SOS1: variants seen among roughly 807,000 people sequenced by gnomAD.
SOS1 encodes SOS Ras/Rac guanine nucleotide exchange factor 1, also known as son of sevenless homolog 1.
A neutral mutation model predicts 157.6 loss-of-function variants in SOS1; 25 were observed. The ratio of observed to expected loss-of-function variants is 0.16; its 90% confidence interval spans 0.12 to 0.22. The LOEUF (loss-of-function observed/expected upper bound fraction) is 0.22, where lower values mean the gene tolerates loss of function less well. Among genes scored for constraint, SOS1 ranks in the 10% least tolerant of loss-of-function variants. SOS1 has a pLI of 1.00. For missense variants in SOS1, 1,237 were observed against 1,599.1 expected (o/e 0.77, Z 3.86); for synonymous variants, 528 against 534.0 (o/e 0.99, Z 0.16).
intron 8 of SOS1, among the ~76,000 whole-genome samples, chr2:39,029,057 T>A (rs1218688538): frequency 6.6e-6 from 1 of 152,190 alleles, no homozygotes; most frequent in Non-Finnish European, 1.5e-5. Flanking sequence ...TGACATCATT[T>A]TAAACATTCC....
intron 13 of SOS1, among the ~76,000 whole-genome samples, chr2:39,012,890 G>C (rs917668962): frequency 6.6e-6 from 1 of 152,020 alleles, no homozygotes; most frequent in African/African-American, 2.4e-5. Context: ...GCATACAAAG[G>C]AAATAAAAAT....
intron 6 of SOS1, among the ~76,000 whole-genome samples, chr2:39,042,721 T>TTC (rs1016100380): frequency 4.0e-5 from 6 of 151,528 alleles, no homozygotes; most frequent in African/African-American, 1.5e-4. Context: ...GATTTTTTTT[T>TTC]TTTTTTTTTT....
chr2:38,991,503 T>C (rs1367860727), intron 20 of SOS1, among the ~76,000 whole-genome samples: 1 of 152,212 alleles, frequency 6.6e-6, no homozygotes, highest in Non-Finnish European at 1.5e-5. Flanking sequence ...CTCTCTATTA[T>C]AGCAGCAGAA....
chr2:38,995,598 C>A (rs148251989), intron 19 of SOS1, among the ~76,000 whole-genome samples: 130 of 152,222 alleles, frequency 8.5e-4, no homozygotes, highest in African/African-American at 3.1e-3. Flanking sequence ...GAATGCATTT[C>A]TTTAAATAAC....
chr2:39,119,874 C>G (rs551196957), intron 1 of SOS1, among the ~76,000 whole-genome samples: 1 of 152,308 alleles, frequency 6.6e-6, no homozygotes, highest in East Asian at 1.9e-4. Flanking sequence ...AGGCCACGTT[C>G]CTACTGGCAG....
chr2:39,057,384 C>T (rs1000278339), intron 3 of SOS1, among the ~76,000 whole-genome samples: 1 of 152,036 alleles, frequency 6.6e-6, no homozygotes, highest in Non-Finnish European at 1.5e-5. Context: ...CATGTTATGT[C>T]CTACTGAATA....
intron 1 of SOS1, among the ~76,000 whole-genome samples, chr2:39,087,147 TG>T (rs994392098): frequency 1.3e-5 from 2 of 152,208 alleles, no homozygotes; most frequent in African/African-American, 4.8e-5. Context: ...TATGCACAAA[TG>T]GTTGGGTATA....
intron 2 of SOS1, among the ~76,000 whole-genome samples, chr2:39,060,697 T>A (rs1031278114): frequency 6.6e-6 from 1 of 152,206 alleles, no homozygotes; most frequent in Non-Finnish European, 1.5e-5. Flanking sequence ...AGTGCTGGGA[T>A]TACAGGTGTG....
chr2:39,090,683 G>T (rs981131947), intron 1 of SOS1, among the ~76,000 whole-genome samples: 2 of 151,992 alleles, frequency 1.3e-5, no homozygotes, highest in Non-Finnish European at 1.5e-5. Context: ...GCGACAGAAC[G>T]AGCCTCTATC....
chr2:38,991,832 G>T (rs1177820988), intron 20 of SOS1, among the ~76,000 whole-genome samples: 1 of 145,026 alleles, frequency 6.9e-6, no homozygotes, highest in Non-Finnish European at 1.5e-5. Context: ...GTGAAGACGT[G>T]TAAGTGTTTA....
At chr2:39,101,036 T>A (rs1672947228) in intron 1 of SOS1, among the ~76,000 whole-genome samples, 2 of 152,356 alleles carry the variant, frequency 1.3e-5, no homozygotes, top group Admixed American at 1.3e-4. Flanking sequence ...GGGTAATTTA[T>A]AAAGTAAAGA....
At chr2:38,997,232 T>G (rs1408194878) in intron 18 of SOS1, 21 bp downstream of exon 18, 1 of 1,576,094 alleles carries the variant, frequency 6.3e-7, no homozygotes, top group South Asian at 1.1e-5. Flanking sequence ...GAAGTATGAA[T>G]CTTTAAATAA....
At chr2:39,003,092 G>A (rs1468617156) in intron 17 of SOS1, among the ~76,000 whole-genome samples, 2 of 87,544 alleles carry the variant, frequency 2.3e-5, no homozygotes, top group South Asian at 3.4e-4. Context: ...CGTAGGGGTA[G>A]GGGAAAAGTC....
chr2:39,074,493 G>C (rs1276009866), intron 1 of SOS1, among the ~76,000 whole-genome samples: 1 of 152,064 alleles, frequency 6.6e-6, no homozygotes, highest in East Asian at 1.9e-4. Context: ...GAACCCGAGA[G>C]GCAGAGCAAA....
chr2:39,002,774 A>G (rs993104012), intron 17 of SOS1, among the ~76,000 whole-genome samples: 1 of 152,146 alleles, frequency 6.6e-6, no homozygotes, highest in Non-Finnish European at 1.5e-5. Context: ...TCAAGAATGT[A>G]GAGGGTCAGG....
intron 1 of SOS1, among the ~76,000 whole-genome samples, chr2:39,116,311 T>C (rs1673648745): frequency 6.6e-6 from 1 of 152,196 alleles, no homozygotes; most frequent in South Asian, 2.1e-4. Context: ...CTATTCCTGT[T>C]CCATTACCAT....
At chr2:39,107,748 A>T (rs968414162) in intron 1 of SOS1, among the ~76,000 whole-genome samples, 3 of 152,196 alleles carry the variant, frequency 2.0e-5, no homozygotes, top group Non-Finnish European at 4.4e-5. Context: ...AAAACAAAAT[A>T]TACTAAACAT....
rs115970197 is a variant in SOS1 at position 39,061,988 on chromosome 2, G to A, written c.214-3184C>T. ...AGGTCCTATATAAATTCTTACATAT[G>A]TACTTCAGTTAAAAAAAAAATCAGA... On this transcript the variant is annotated intron_variant, in intron 2 of 22. Coordinates refer to ENST00000402219, the MANE Select transcript of SOS1 (RefSeq NM_005633.4). Among the ~76,000 whole-genome samples, 627 of 79,610 alleles carry A rather than the reference G, an allele frequency of 7.9e-3. 7 individuals are homozygous for A. Among genetic ancestry groups the A allele is most frequent in the African/African-American group, 0.018 (593 of 32,286 alleles). 52.2% of individuals were successfully genotyped at this position (79,610 alleles called of 152,430 possible). A position where few individuals can be genotyped will look rare whatever the true frequency, so the allele number is the denominator to read the frequency against.
intron 2 of SOS1, among the ~76,000 whole-genome samples, chr2:39,066,578 C>T (rs1450639269): frequency 6.6e-6 from 1 of 152,206 alleles, no homozygotes; most frequent in Non-Finnish European, 1.5e-5. Context: ...CTATCAGTTG[C>T]CCCTTTCATG....
Sources: gnomAD v4.1 joint callset for allele counts (sites outside exome capture counted in the v4.1 genomes callset) on GRCh38, gnomAD v4.1.1 for gene constraint, MANE v1.5 for transcripts, NCBI Gene and HGNC (gene_info 2026-07-23, HGNC 2026-07-21) for gene names.